The following ADAMTS12 variants were observed in gnomAD, a reference collection of about 807,000 sequenced individuals.
The protein encoded by ADAMTS12 is A disintegrin and metalloproteinase with thrombospondin motifs 12.
Under a neutral mutation model 167.8 loss-of-function variants are expected in ADAMTS12, and 118 were observed. The observed-to-expected ratio is 0.70, with a 90% confidence interval of 0.61 to 0.82. The LOEUF is 0.82. ADAMTS12 is among the 40% of genes least tolerant of loss of function. The probability of loss-of-function intolerance (pLI) is 0.00; values close to 1 mark genes in which losing one functional copy is unlikely to be tolerated. For missense variants in ADAMTS12, 1,916 were observed against 1,998.8 expected (o/e 0.96, Z 0.79); for synonymous variants, 704 against 716.9 (o/e 0.98, Z 0.29).
At chr5:33,542,088 G>A (rs1170224095) in intron 22 of ADAMTS12, among the ~76,000 whole-genome samples, 1 of 151,720 alleles carries the variant, frequency 6.6e-6, no homozygotes, top group Non-Finnish European at 1.5e-5. Flanking sequence ...ATATTCAGGA[G>A]ACCCATCTCA....
chr5:33,616,216 A>G (rs140340324), intron 14 of ADAMTS12, 144 bp from the exon 15 acceptor site: 41 of 1,116,502 alleles, frequency 3.7e-5, no homozygotes, highest in Middle Eastern at 4.1e-4. Flanking sequence ...TGGCAGAAGC[A>G]CTACTTATGG....
At chr5:33,844,360 T>G (rs1165589843) in intron 2 of ADAMTS12, among the ~76,000 whole-genome samples, 1 of 152,124 alleles carries the variant, frequency 6.6e-6, no homozygotes, top group Non-Finnish European at 1.5e-5. Context: ...ACAGGAGAAA[T>G]ATTGCTAAAT....
intron 21 of ADAMTS12, among the ~76,000 whole-genome samples, chr5:33,547,326 T>C (rs535830283): frequency 3.7e-4 from 56 of 152,248 alleles, no homozygotes; most frequent in Admixed American, 2.0e-3. Flanking sequence ...TCAGATCCCC[T>C]GAATTGGCCA....
At chr5:33,785,393 G>A (rs1272135053) in intron 2 of ADAMTS12, among the ~76,000 whole-genome samples, 2 of 152,014 alleles carry the variant, frequency 1.3e-5, no homozygotes, top group South Asian at 2.1e-4. Context: ...ATGCAGACAG[G>A]GAAAAATATT....
At chr5:33,772,472 C>T (rs1250300490) in intron 2 of ADAMTS12, among the ~76,000 whole-genome samples, 2 of 152,176 alleles carry the variant, frequency 1.3e-5, no homozygotes, top group African/African-American at 2.4e-5. Flanking sequence ...CATAGCTCCT[C>T]CCAAGGTGCT....
intron 2 of ADAMTS12, among the ~76,000 whole-genome samples, chr5:33,841,021 G>A (rs1191686580): frequency 6.6e-6 from 1 of 152,108 alleles, no homozygotes; most frequent in Admixed American, 6.5e-5. Context: ...TGTCCCTCCA[G>A]TCTGTGTGGC....
At chr5:33,824,444 T>A (rs1460134991) in intron 2 of ADAMTS12, among the ~76,000 whole-genome samples, 1 of 152,170 alleles carries the variant, frequency 6.6e-6, no homozygotes, top group East Asian at 1.9e-4. Flanking sequence ...TGCCCCCAGG[T>A]TTACATTTTT....
intron 5 of ADAMTS12, among the ~76,000 whole-genome samples, chr5:33,663,695 C>T (rs1409309615): frequency 6.6e-6 from 1 of 152,176 alleles, no homozygotes. Context: ...CTTGGAGTTG[C>T]AGTTGGTCAT....
intron 3 of ADAMTS12, among the ~76,000 whole-genome samples, chr5:33,724,755 G>T (rs562927441): frequency 6.6e-6 from 1 of 151,906 alleles, no homozygotes; most frequent in Non-Finnish European, 1.5e-5. Flanking sequence ...GTTTCACCGT[G>T]TTAGCCAAGA....
intron 2 of ADAMTS12, among the ~76,000 whole-genome samples, chr5:33,813,371 T>G (rs974724849): frequency 8.5e-5 from 13 of 152,216 alleles, no homozygotes; most frequent in African/African-American, 3.1e-4. Flanking sequence ...TTGAATAACC[T>G]TTTTTTGCAA....
intron 19 of ADAMTS12, among the ~76,000 whole-genome samples, chr5:33,565,921 T>C (rs1194405859): frequency 6.6e-6 from 1 of 152,222 alleles, no homozygotes; most frequent in Non-Finnish European, 1.5e-5. Flanking sequence ...AATTAACATG[T>C]ATTAAATATT....
chr5:33,754,107 A>G (rs1229219304), intron 2 of ADAMTS12, among the ~76,000 whole-genome samples: 1 of 152,128 alleles, frequency 6.6e-6, no homozygotes, highest in African/African-American at 2.4e-5. Context: ...AGGTGGGCCC[A>G]GTTTATTGAT....
intron 3 of ADAMTS12, among the ~76,000 whole-genome samples, chr5:33,735,555 G>A (rs1423484): frequency 0.045 from 6,863 of 152,178 alleles, 535 homozygotes; most frequent in African/African-American, 0.16. Flanking sequence ...CAGATGGCAC[G>A]CTGAATTTGG....
intron 19 of ADAMTS12, among the ~76,000 whole-genome samples, chr5:33,572,144 T>C (rs1477819992): frequency 6.6e-6 from 1 of 152,100 alleles, no homozygotes; most frequent in Non-Finnish European, 1.5e-5. Flanking sequence ...ACCAGATGGA[T>C]TCACAGCTGA....
At chr5:33,792,351 C>T (rs7724739) in intron 2 of ADAMTS12, among the ~76,000 whole-genome samples, 53,760 of 152,010 alleles carry the variant, frequency 0.35, 10,411 homozygotes, top group East Asian at 0.58. Context: ...TACTATAGAG[C>T]CAATTGCTTG....
At chr5:33,680,408 T>C (rs1295552764) in intron 5 of ADAMTS12, among the ~76,000 whole-genome samples, 1 of 152,170 alleles carries the variant, frequency 6.6e-6, no homozygotes, top group African/African-American at 2.4e-5. Context: ...CTACCAGTGG[T>C]GCTGCTGGGA....
At chr5:33,591,822 C>T (rs1747652736) in intron 17 of ADAMTS12, among the ~76,000 whole-genome samples, 2 of 152,160 alleles carry the variant, frequency 1.3e-5, no homozygotes, top group Non-Finnish European at 2.9e-5. Context: ...TCAGTGGTGA[C>T]AGGGAAAGGG....
intron 9 of ADAMTS12, among the ~76,000 whole-genome samples, chr5:33,644,738 CTTT>C (rs33961870): frequency 1.4e-5 from 2 of 146,954 alleles, no homozygotes. Context: ...TGAAGGGTGG[CTTT>C]TTTTTTTTTG....
chr5:33,786,772 C>G (rs1423488), intron 2 of ADAMTS12, among the ~76,000 whole-genome samples: 56,674 of 151,978 alleles, frequency 0.37, 11,990 homozygotes, highest in East Asian at 0.58. Flanking sequence ...TATTACTCTA[C>G]GAAAAACTAT....
Sources: allele counts gnomAD v4.1 joint callset (sites outside exome capture counted in the v4.1 genomes callset), GRCh38; gene constraint gnomAD v4.1.1; transcripts MANE v1.5; gene names NCBI Gene and HGNC (gene_info 2026-07-23, HGNC 2026-07-21).